Variants in CABIN1 observed in about 807,000 individuals in gnomAD.
The protein encoded by CABIN1 is calcineurin-binding protein cabin-1.
Under a neutral mutation model 227.7 loss-of-function variants are expected in CABIN1, and 133 were observed. That is an observed-to-expected ratio of 0.58 (90% CI 0.51 to 0.67). The LOEUF (loss-of-function observed/expected upper bound fraction) is 0.67, where lower values mean the gene tolerates loss of function less well. CABIN1 is among the 30% of genes least tolerant of loss of function. The probability of loss-of-function intolerance (pLI) is 0.00; values close to 1 mark genes in which losing one functional copy is unlikely to be tolerated. For missense variants in CABIN1, 2,408 were observed against 2,852.5 expected (o/e 0.84, Z 3.55); for synonymous variants, 1,086 against 1,155.1 (o/e 0.94, Z 1.21).
chr22:24,074,903 C>T (rs1348931306), intron 18 of CABIN1, among the ~76,000 whole-genome samples: 3 of 152,094 alleles, frequency 2.0e-5, no homozygotes, highest in Admixed American at 2.0e-4. Flanking sequence ...CATTTAAGAG[C>T]CAAAAGTAAC....
chr22:24,165,773 C>T (rs2046410477), intron 31 of CABIN1, 147 bp downstream of exon 31: 2 of 689,726 alleles, frequency 2.9e-6, no homozygotes, highest in South Asian at 3.2e-5. Context: ...CCCATCCTGT[C>T]TTCCTAGGCA....
rs141627213 is a variant in CABIN1, at chr22:24,089,475, CA to C, written c.3525+1763del. Among the ~76,000 whole-genome samples the C allele has an allele frequency of 9.6e-3, 1,466 of 152,244 alleles. 30 individuals carry two copies. Among genetic ancestry groups the C allele is most frequent in the African/African-American group, 0.033 (1,377 of 41,548 alleles). Reference sequence around the variant, plus strand: ...CCATCTTGTTGGAGTGTTAGGGTGGCAGGAGAGAGATGGAAATCCACCAGGA... The same window carrying C: ...CCATCTTGTTGGAGTGTTAGGGTGGCGGAGAGAGATGGAAATCCACCAGGA... On this transcript the variant is annotated intron_variant, in intron 23 of 36. Coordinates refer to ENST00000263119, the MANE Select transcript of CABIN1 (RefSeq NM_012295.4).
At chr22:24,162,575 A>G (rs950645710) in intron 29 of CABIN1, among the ~76,000 whole-genome samples, 2 of 152,274 alleles carry the variant, frequency 1.3e-5, no homozygotes, top group African/African-American at 2.4e-5. Flanking sequence ...TACCAGAAAA[A>G]GGCCAAGCAA....
chr22:24,165,408 G>T, intron 30 of CABIN1, 122 bp from the exon 31 acceptor site: 1 of 910,944 alleles, frequency 1.1e-6, no homozygotes, highest in Non-Finnish European at 1.8e-6. Context: ...AGGTGGTTAG[G>T]TGGAACACTG....
At chr22:24,036,011 G>A in intron 2 of CABIN1, 78 bp from the exon 3 acceptor site, 2 of 923,924 alleles carry the variant, frequency 2.2e-6, no homozygotes, top group Non-Finnish European at 3.6e-6. Flanking sequence ...GAGCAGAATT[G>A]TATTCATCTG....
At chr22:24,129,698 C>T (rs1231123114) in intron 28 of CABIN1, among the ~76,000 whole-genome samples, 3 of 152,154 alleles carry the variant, frequency 2.0e-5, no homozygotes, top group South Asian at 2.1e-4. Flanking sequence ...GACCCATCTG[C>T]GAGTCAGTGG....
chr22:24,040,218 G>T lies in CABIN1; in HGVS notation c.211-921G>T, dbSNP rs140916804. ...CTGGTTCTTGGGGGCCTTTTTGTAT[G>T]ATAAGTCAGATGACGGTAGAAGATA... On this transcript the variant is annotated intron_variant, in intron 4 of 36. Coordinates refer to ENST00000263119, the MANE Select transcript of CABIN1 (RefSeq NM_012295.4). 1.0e-3 allele frequency among the ~76,000 whole-genome samples: 157 copies of T among 152,322 alleles called. No homozygotes were observed. In the East Asian group the frequency reaches 0.02, roughly 20 times the overall value.
chr22:24,102,618 G>T (rs538685401), intron 26 of CABIN1, among the ~76,000 whole-genome samples: 1 of 152,202 alleles, frequency 6.6e-6, no homozygotes, highest in African/African-American at 2.4e-5. Flanking sequence ...AGAAACCTGG[G>T]CCTGTTGGTG....
At chr22:24,013,083 A>G (rs6004037) in intron 1 of CABIN1, among the ~76,000 whole-genome samples, 4 of 151,500 alleles carry the variant, frequency 2.6e-5, no homozygotes, top group African/African-American at 7.3e-5. Flanking sequence ...TTTTTTTTAA[A>G]AGCTCCTTTT....
chr22:24,169,653 GGCGCA>G (rs1363740255), intron 33 of CABIN1, among the ~76,000 whole-genome samples: 4 of 152,208 alleles, frequency 2.6e-5, no homozygotes, highest in African/African-American at 7.2e-5. Flanking sequence ...CCCAGTGCTG[GGCGCA>G]GGCCCAGGCC....
chr22:24,142,083 G>A (rs1036238887), intron 29 of CABIN1, among the ~76,000 whole-genome samples: 1 of 152,106 alleles, frequency 6.6e-6, no homozygotes, highest in African/African-American at 2.4e-5. Context: ...GCCACCAGTT[G>A]GTTGTGTAAC....
intron 15 of CABIN1, among the ~76,000 whole-genome samples, chr22:24,064,766 T>G (rs928754638): frequency 1.1e-4 from 16 of 152,158 alleles, no homozygotes; most frequent in African/African-American, 3.4e-4. Flanking sequence ...AGCACATCTT[T>G]CACCGCCCTT....
At chr22:24,158,907 A>G (rs1217130233) in intron 29 of CABIN1, among the ~76,000 whole-genome samples, 1 of 152,170 alleles carries the variant, frequency 6.6e-6, no homozygotes, top group Non-Finnish European at 1.5e-5. Flanking sequence ...ACACTTTTCC[A>G]GCCCTCTTGG....
intron 29 of CABIN1, among the ~76,000 whole-genome samples, chr22:24,150,402 G>A (rs147698269): frequency 2.0e-5 from 3 of 152,328 alleles, no homozygotes; most frequent in Non-Finnish European, 4.4e-5. Flanking sequence ...AACCAAGAGA[G>A]GCAGTTTGCA....
In CABIN1 at chr22:24,176,166, A is replaced by G; in HGVS notation, c.6096A>G (p.Pro2032=). The change falls in exon 35 of 37, where the codon CCA becomes CCG. Residue 2032 remains proline, a synonymous_variant. Transcript: ENST00000263119. ...GCACCAGCTTCCCGCCTCAGGAGCC[A>G]CGGCACAGTCCGCAGGTGAAGATGG... is the stretch of plus-strand genomic sequence containing the variant. ...AEGTSFPPQE[P]RHSPQVKMAP... 6.2e-7 allele frequency: 1 copy of G among 1,611,210 alleles called. No individual in the cohort carries two copies. The highest frequency in any genetic ancestry group is 8.5e-7 in the Non-Finnish European group (1 of 1,179,298).
chr22:24,068,451 T>C (rs1223154291), intron 16 of CABIN1, among the ~76,000 whole-genome samples: 1 of 152,252 alleles, frequency 6.6e-6, no homozygotes, highest in Non-Finnish European at 1.5e-5. Context: ...CTTGCTCTTA[T>C]TGTCTTCTAG....
intron 6 of CABIN1, among the ~76,000 whole-genome samples, chr22:24,048,685 G>T (rs1408588775): frequency 6.6e-6 from 1 of 152,218 alleles, no homozygotes; most frequent in African/African-American, 2.4e-5. Flanking sequence ...CCTCTAGAGT[G>T]TTGGGATTAT....
Position 24,049,212 on chromosome 22 carries a change from C to A in CABIN1, c.648C>A (p.Phe216Leu). The change falls in exon 7 of 37, where the codon TTC (phenylalanine) becomes TTA (leucine). Residue 216 changes from phenylalanine (F) to leucine (L), a missense_variant. Coordinates refer to ENST00000263119, the MANE Select transcript of CABIN1 (RefSeq NM_012295.4). Reference sequence around the variant, plus strand: ...TCCGGAAGGACTCTCTCAGAATGTTCCTCAAATGGTAAGTCCTGCCTCTTC... The same window carrying A: ...TCCGGAAGGACTCTCTCAGAATGTTACTCAAATGGTAAGTCCTGCCTCTTC... ...PCLRKDSLRMFLKCDMSIHDV... is the reference protein window; with the variant it reads ...PCLRKDSLRMLLKCDMSIHDV... 2 of 1,613,678 alleles carry A rather than the reference C, an allele frequency of 1.2e-6. No individual in the cohort carries two copies. The highest frequency in any genetic ancestry group is 2.2e-5 in the South Asian group (2 of 90,998).
intron 18 of CABIN1, among the ~76,000 whole-genome samples, chr22:24,074,111 A>C (rs1272540683): frequency 6.6e-6 from 1 of 152,096 alleles, no homozygotes; most frequent in African/African-American, 2.4e-5. Flanking sequence ...AAAGGATTTT[A>C]GTGGTGAAAA....
Sources: allele counts gnomAD v4.1 joint callset (sites outside exome capture counted in the v4.1 genomes callset), GRCh38; gene constraint gnomAD v4.1.1; transcripts MANE v1.5; gene names NCBI Gene and HGNC (gene_info 2026-07-23, HGNC 2026-07-21).